THYN1: variants seen among roughly 807,000 people sequenced by gnomAD.
THYN1 encodes the protein thymocyte protein thy28.
A neutral mutation model predicts 30.6 loss-of-function variants in THYN1; 32 were observed. The ratio of observed to expected loss-of-function variants is 1.05; its 90% CI spans 0.79 to 1.40. The LOEUF (loss-of-function observed/expected upper bound fraction) is 1.40, where lower values mean the gene tolerates loss of function less well. Among genes scored for constraint, THYN1 ranks in the 40% most tolerant of loss-of-function variants. The probability of loss-of-function intolerance (pLI) is 0.00; values close to 1 mark genes in which losing one functional copy is unlikely to be tolerated. For synonymous variants in THYN1, 107 were observed against 90.8 expected, an observed-to-expected ratio of 1.18 and a Z score of -1.01; for missense variants, 259 against 272.6, an observed-to-expected ratio of 0.95 and a Z score of 0.35.
chr11:134,251,117 T>C lies in THYN1; in HGVS notation c.222+13A>G. 1.2e-6 allele frequency: 2 copies of C among 1,603,874 alleles called. No individual in the cohort carries two copies. The highest frequency in any genetic ancestry group is 1.7e-6 in the Non-Finnish European group (2 of 1,175,596). ...ACACCATGAAGGGACTGGAGACAGG[T>C]CAAGGGTCTCACCTTCACATCTACA... On this transcript the variant is annotated intron_variant, in intron 2 of 6. Coordinates refer to ENST00000341541, the MANE Select transcript of THYN1 (RefSeq NM_014174.3).
At position 134,248,898 on chromosome 11, in the gene THYN1, T is replaced by C. The variant is rs1179387500; in HGVS notation, c.542A>G (p.Tyr181Cys). 5.0e-6 allele frequency: 8 copies of C among 1,614,064 alleles called. No individual in the cohort carries two copies. The highest frequency in any genetic ancestry group is 4.4e-5 in the South Asian group (4 of 91,088). The change falls in exon 6 of 7, where the codon TAT becomes TGT. Residue 181 changes from tyrosine to cysteine, a missense_variant. Coordinates refer to ENST00000341541, the MANE Select transcript of THYN1 (RefSeq NM_014174.3). ...RFIPLAELKS[Y>C]HQAHKATGGP... The stretch of plus-strand genomic sequence containing the variant: ...ACCAGTAGCTTTGTGAGCTTGATGA[T>C]AGGATTTGAGCTCAGCCAGGGGAAT...
Position 134,249,158 on chromosome 11 carries a change from A to G in THYN1, c.480+9T>C. On this transcript the variant is annotated intron_variant, in intron 5 of 6. Coordinates refer to ENST00000341541, the MANE Select transcript of THYN1 (RefSeq NM_014174.3). Reference sequence around the variant, plus strand: ...TCCCCTGTCATGAAATAGAAAGCATAGTCTTTACCATGGACCACTTAGGGT... The same window carrying G: ...TCCCCTGTCATGAAATAGAAAGCATGGTCTTTACCATGGACCACTTAGGGT... The G allele has an allele frequency of 6.2e-7, 1 of 1,607,532 alleles. No individual in the cohort carries two copies. Among genetic ancestry groups the G allele is most frequent in the Non-Finnish European group, 8.5e-7 (1 of 1,176,758 alleles).
intron 3 of THYN1, 22 bp from the exon 4 acceptor site, chr11:134,249,942 T>C (rs1485792586): frequency 2.5e-6 from 4 of 1,603,974 alleles, no homozygotes; most frequent in Middle Eastern, 1.7e-4. Context: ...GAAGAAAGAG[T>C]AACTATCCTC....
rs1939191991 is a variant in THYN1 at position 134,252,975 on chromosome 11, G to A, written c.-93C>T. On this transcript the variant is annotated 5_prime_UTR_variant, in exon 1 of 7. Coordinates refer to ENST00000341541, the MANE Select transcript of THYN1 (RefSeq NM_014174.3). ...ATGTCCTCCAAAACCCGCGCAGAGC[G>A]AGATGGAGGCAACGAGAGGCAGCCT... 6.0e-6 allele frequency: 9 copies of A among 1,488,944 alleles called. No homozygotes were observed. Among genetic ancestry groups the A allele is most frequent in the Non-Finnish European group, 7.1e-6 (8 of 1,122,554 alleles). The allele number at this position is 1,488,944 out of a possible 1,614,324, so 92.2% of individuals were successfully genotyped here.
intron 4 of THYN1, 39 bp from the exon 5 acceptor site, chr11:134,249,301 G>A: frequency 6.3e-7 from 1 of 1,588,610 alleles, no homozygotes; most frequent in Non-Finnish European, 8.6e-7. Flanking sequence ...TCTGCCTGCA[G>A]TCAGCTCCAC....
Position 134,252,848 on chromosome 11 carries a change from G to A in THYN1, c.35C>T (p.Ser12Phe). ...SRPRKRLAGTSGSDKGLSGKR... is the reference protein window; with the variant it reads ...SRPRKRLAGTFGSDKGLSGKR... Reference sequence around the variant, plus strand: ...GCCTAGGGGCAGCTCACCTGAACCAGAAGTCCCAGCCAGCCTCTTCCGGGG... The same window carrying A: ...GCCTAGGGGCAGCTCACCTGAACCAAAAGTCCCAGCCAGCCTCTTCCGGGG... Residue 12 changes from serine to phenylalanine, a missense_variant, in exon 1 of 7, where the codon TCT (serine) becomes TTT (phenylalanine). Ser to Phe is a radical substitution (Grantham distance 155, BLOSUM62 -2). Coordinates refer to ENST00000341541, the MANE Select transcript of THYN1 (RefSeq NM_014174.3). The A allele has an allele frequency of 6.2e-7, 1 of 1,612,038 alleles. No individual in the cohort carries two copies. Among genetic ancestry groups the A allele is most frequent in the East Asian group, 2.2e-5 (1 of 44,820 alleles).
rs772025250 is a variant in THYN1 at position 134,249,275 on chromosome 11, C to A, written c.385-13G>T. The A allele has an allele frequency of 6.2e-7, 1 of 1,613,944 alleles. No homozygotes were observed. Among genetic ancestry groups the A allele is most frequent in the South Asian group, 1.1e-5 (1 of 91,082 alleles). On this transcript the variant is annotated splice_polypyrimidine_tract_variant and intron_variant, in intron 4 of 6. Coordinates refer to ENST00000341541, the MANE Select transcript of THYN1 (RefSeq NM_014174.3). ...CCTCTTTCACGATCTGAAACCAAAA[C>A]AAAAGCTTTGAATCATCTGCCTGCA...
At chr11:134,250,170 A>G (rs1938982777) in intron 3 of THYN1, 105 bp downstream of exon 3, 2 of 1,370,204 alleles carry the variant, frequency 1.5e-6, no homozygotes, top group South Asian at 2.4e-5. Flanking sequence ...TGCTTCTGAG[A>G]AAAAGCAACC....
rs1169715491 is a variant in THYN1 at position 134,249,148 on chromosome 11, TAGAA to T, written c.480+15_480+18del. On this transcript the variant is annotated intron_variant, in intron 5 of 6. Coordinates refer to ENST00000341541, the MANE Select transcript of THYN1 (RefSeq NM_014174.3). Reference sequence around the variant, plus strand: ...GGTTCATCCTTCCCCTGTCATGAAATAGAAAGCATAGTCTTTACCATGGACCACT... The same window carrying T: ...GGTTCATCCTTCCCCTGTCATGAAATAGCATAGTCTTTACCATGGACCACT... 11 of 1,601,850 alleles carry T rather than the reference TAGAA, an allele frequency of 6.9e-6. No individual in the cohort carries two copies. Among genetic ancestry groups the T allele is most frequent in the Non-Finnish European group, 9.4e-6 (11 of 1,173,000 alleles).
intron 3 of THYN1, 48 bp downstream of exon 3, chr11:134,250,227 G>C (rs1938985322): frequency 1.9e-6 from 3 of 1,597,708 alleles, no homozygotes; most frequent in Non-Finnish European, 2.6e-6. Flanking sequence ...GAGGAGGCAG[G>C]CATTCATCCC....
At position 134,252,951 on chromosome 11, in the gene THYN1, T is replaced by A. The variant is rs1380583668; in HGVS notation, c.-69A>T. The A allele has an allele frequency of 1.3e-6, 2 of 1,511,720 alleles. No homozygotes were observed. The highest frequency in any genetic ancestry group is 1.3e-5 in the South Asian group (1 of 77,730). 93.6% of individuals were successfully genotyped at this position (1,511,720 alleles called of 1,614,324 possible). ...ACGGAGATACAAGAAAGAATGCTAA[T>A]GTCCTCCAAAACCCGCGCAGAGCGA... is the stretch of plus-strand genomic sequence containing the variant. On this transcript the variant is annotated 5_prime_UTR_variant, in exon 1 of 7. Coordinates refer to ENST00000341541, the MANE Select transcript of THYN1 (RefSeq NM_014174.3).
rs374439865 is a variant in THYN1, at chr11:134,252,851, G to A, written c.32C>T (p.Thr11Ile). 139 of 1,611,110 alleles carry A rather than the reference G, an allele frequency of 8.6e-5. No individual in the cohort carries two copies. Among genetic ancestry groups the A allele is most frequent in the South Asian group, 7.3e-4 (66 of 90,546 alleles). The change falls in exon 1 of 7, where the codon ACT (threonine) becomes ATT (isoleucine). Residue 11 changes from threonine to isoleucine, a missense_variant. Coordinates refer to ENST00000341541, the MANE Select transcript of THYN1 (RefSeq NM_014174.3). MSRPRKRLAG[T>I]SGSDKGLSGK... ...TAGGGGCAGCTCACCTGAACCAGAA[G>A]TCCCAGCCAGCCTCTTCCGGGGTCT...
chr11:134,253,244 T>G lies in THYN1; in HGVS notation c.-362A>C. On this transcript the variant is annotated 5_prime_UTR_variant, in exon 1 of 7. Coordinates refer to ENST00000341541, the MANE Select transcript of THYN1 (RefSeq NM_014174.3). ...TGTGTTACCTTGTTATCCTTGCTAA[T>G]TAGGATCAACTGAATGGATAATCTA... 7.6e-7 allele frequency: 1 copy of G among 1,320,410 alleles called. No individual in the cohort carries two copies. Among genetic ancestry groups the G allele is most frequent in the Non-Finnish European group, 9.7e-7 (1 of 1,035,634 alleles). The allele number at this position is 1,320,410 out of a possible 1,614,324, so 81.8% of individuals were successfully genotyped here. A position where few individuals can be genotyped will look rare whatever the true frequency, so the allele number is the denominator to read the frequency against.
chr11:134,251,415 A>C, intron 1 of THYN1, 107 bp from the exon 2 acceptor site: 5 of 1,263,740 alleles, frequency 4.0e-6, no homozygotes, highest in Non-Finnish European at 5.5e-6. Context: ...TCATGGATCC[A>C]TTACCAGCTG....
Position 134,249,210 on chromosome 11 carries a change from TG to T in THYN1, c.436del (p.His146IlefsTer23). 1 of 1,614,224 alleles carries T rather than the reference TG, an allele frequency of 6.2e-7. No homozygotes were observed. Among genetic ancestry groups the T allele is most frequent in the Non-Finnish European group, 8.5e-7 (1 of 1,180,034 alleles). ...DHTQFEKNNPHYDPSSKEDNP... is the reference protein window; with the variant it reads ...DHTQFEKNNPXYDPSSKEDNP... Reference sequence around the variant, plus strand: ...GTCCTCTTTGCTAGATGGGTCATAATGGGGATTGTTTTTCTCAAACTGTGTG... The same window carrying T: ...GTCCTCTTTGCTAGATGGGTCATAATGGGATTGTTTTTCTCAAACTGTGTG... On this transcript the variant is annotated frameshift_variant, in exon 5 of 7. Transcript: ENST00000341541. LOFTEE classifies it high-confidence loss of function.
At chr11:134,251,572 A>G (rs1255356730) in intron 1 of THYN1, 2 of 374,486 alleles carry the variant, frequency 5.3e-6, no homozygotes, top group Non-Finnish European at 9.5e-6. Flanking sequence ...TCCGGACAGT[A>G]GTCAATACAT....
chr11:134,251,926 T>C (rs557181263), intron 1 of THYN1: 2 of 152,364 alleles, frequency 1.3e-5, no homozygotes, highest in East Asian at 3.9e-4. Flanking sequence ...AGTAGCTAAG[T>C]TGTTAAATTA....
chr11:134,248,647 G>C (rs1180257041), intron 6 of THYN1, among the ~76,000 whole-genome samples, 162 bp downstream of exon 6: 1 of 152,210 alleles, frequency 6.6e-6, no homozygotes, highest in African/African-American at 2.4e-5. Flanking sequence ...CTGGGTAATA[G>C]TAACAGGTAA....
intron 1 of THYN1, among the ~76,000 whole-genome samples, chr11:134,252,265 A>G (rs1939111615): frequency 6.6e-6 from 1 of 152,168 alleles, no homozygotes; most frequent in Non-Finnish European, 1.5e-5. Flanking sequence ...TGCAAACACC[A>G]CATATTGATA....
Sources: allele counts gnomAD v4.1 joint callset (sites outside exome capture counted in the v4.1 genomes callset), GRCh38; gene constraint gnomAD v4.1.1; transcripts MANE v1.5; gene names NCBI Gene and HGNC (gene_info 2026-07-23, HGNC 2026-07-21).